The following DYSF variants were observed in gnomAD, a reference collection of about 807,000 sequenced individuals.
DYSF encodes the protein dysferlin.
Under a neutral mutation model 274.9 loss-of-function variants are expected in DYSF, and 212 were observed. The observed-to-expected ratio is 0.77, with a 90% CI of 0.69 to 0.86. The LOEUF is 0.86. Ranked by LOEUF, DYSF falls within the 40% of genes least tolerant of loss-of-function variation. The pLI is 0.00. For missense variants in DYSF, 2,666 were observed against 2,783.2 expected (o/e 0.96, Z 0.95); for synonymous variants, 1,091 against 1,078.7 (o/e 1.01, Z -0.22).
rs775855517 is a variant in DYSF at position 71,611,524 on chromosome 2, C to A, written c.4119C>A (p.Pro1373=). ...ACCAGCTGGCCAACATCTCCTCCCC[C>A]AGCCTCGTGGTAGAGTGTGGGGGCC... ...KSYQLANISS[P]SLVVECGGQT... Residue 1373 remains proline, a synonymous_variant, in exon 38 of 56, where the codon CCC becomes CCA. Transcript: ENST00000410020. 6.2e-7 allele frequency: 1 copy of A among 1,614,212 alleles called. No individual in the cohort carries two copies. Among genetic ancestry groups the A allele is most frequent in the South Asian group, 1.1e-5 (1 of 91,090 alleles).
chr2:71,600,639 T>C lies in DYSF; in HGVS notation c.3757-63T>C. Reference sequence around the variant, plus strand: ...AGAAGGCACATGTAGACCTGATCTCTCTGAGGCTCCCTAGAGCCCTGGGTA... The same window carrying C: ...AGAAGGCACATGTAGACCTGATCTCCCTGAGGCTCCCTAGAGCCCTGGGTA... On this transcript the variant is annotated intron_variant, in intron 33 of 55. Coordinates refer to ENST00000410020, the MANE Select transcript of DYSF (RefSeq NM_001130987.2). 1.9e-6 allele frequency: 3 copies of C among 1,611,932 alleles called. No individual in the cohort carries two copies. The South Asian group carries it at 3.3e-5, about 18-fold the overall frequency.
chr2:71,460,236 T>G (rs2152630692), intron 1 of DYSF, among the ~76,000 whole-genome samples: 1 of 152,292 alleles, frequency 6.6e-6, no homozygotes, highest in South Asian at 2.1e-4. Flanking sequence ...GACAACGTGG[T>G]CCATGATGGC....
chr2:71,547,314 C>A (rs867288508), intron 17 of DYSF, among the ~76,000 whole-genome samples: 1 of 152,220 alleles, frequency 6.6e-6, no homozygotes, highest in Non-Finnish European at 1.5e-5. Context: ...CCTCCTCCTG[C>A]ACCTGGTTAG....
rs867390148 is a variant in DYSF, at chr2:71,555,996, T to C, written c.2141T>C (p.Leu714Pro). ...EAGLEQVHLA[L>P]KAQCSTEDVD... ...GGCCTGGAGCAGGTCCACCTGGCCC[T>C]GAAGGCGCAGTGCTCCACGGAGGAC... The change falls in exon 22 of 56, where the codon CTG becomes CCG. Residue 714 changes from leucine (L) to proline (P), a missense_variant. Transcript: ENST00000410020. The C allele has an allele frequency of 6.4e-7, 1 of 1,571,828 alleles. No homozygotes were observed. Among genetic ancestry groups the C allele is most frequent in the Non-Finnish European group, 8.6e-7 (1 of 1,158,520 alleles).
At chr2:71,542,758 C>G (rs1024581714) in intron 17 of DYSF, among the ~76,000 whole-genome samples, 1 of 152,196 alleles carries the variant, frequency 6.6e-6, no homozygotes, top group Non-Finnish European at 1.5e-5. Context: ...AATGGAGTCT[C>G]CTATGCCCAC....
intron 3 of DYSF, among the ~76,000 whole-genome samples, chr2:71,486,174 C>T (rs1023110030): frequency 1.3e-5 from 2 of 151,946 alleles, no homozygotes; most frequent in East Asian, 1.9e-4. Context: ...GAATCCTGGG[C>T]GTGTCTTCTG....
At chr2:71,508,276 T>G (rs530637498) in intron 4 of DYSF, among the ~76,000 whole-genome samples, 17 of 152,298 alleles carry the variant, frequency 1.1e-4, no homozygotes, top group African/African-American at 4.1e-4. Context: ...TGTTCTCCAG[T>G]TAAGGACTTT....
intron 46 of DYSF, 48 bp downstream of exon 46, chr2:71,664,486 C>G (rs1483232968): frequency 6.2e-7 from 1 of 1,606,376 alleles, no homozygotes; most frequent in Non-Finnish European, 8.5e-7. Context: ...ACACACCACC[C>G]CTGTCTTCTC....
intron 30 of DYSF, among the ~76,000 whole-genome samples, chr2:71,588,049 G>A (rs2093130933): frequency 6.6e-6 from 1 of 152,210 alleles, no homozygotes; most frequent in African/African-American, 2.4e-5. Context: ...TCTGAAGACG[G>A]GGAGGCCTGG....
In DYSF at chr2:71,481,905, C is replaced by A. The variant is rs1478264060; in HGVS notation, c.174C>A (p.Ile58=). 6.2e-7 allele frequency: 1 copy of A among 1,614,072 alleles called. No individual in the cohort carries two copies. The change falls in exon 3 of 56, where the codon ATC becomes ATA. Residue 58 remains isoleucine, a synonymous_variant. Transcript: ENST00000410020. The part of the protein sequence containing the change: ...NEGFEWDLKG[I]PLDQGSELHV... ...GATTTGAATGGGACCTCAAGGGCAT[C>A]CCCCTGGACCAGGGCTCTGAGCTTC... is the stretch of plus-strand genomic sequence containing the variant.
intron 29 of DYSF, 197 bp downstream of exon 29, chr2:71,570,938 C>G: frequency 1.4e-6 from 1 of 711,400 alleles, no homozygotes. Context: ...AGATCACACC[C>G]AGCATACCCA....
At chr2:71,457,869 G>C (rs375962206) in intron 1 of DYSF, among the ~76,000 whole-genome samples, 1 of 152,184 alleles carries the variant, frequency 6.6e-6, no homozygotes, top group South Asian at 2.1e-4. Context: ...CGTATGGCAG[G>C]TGCTCCGGGA....
At chr2:71,502,733 A>G (rs968913533) in intron 3 of DYSF, among the ~76,000 whole-genome samples, 4 of 152,208 alleles carry the variant, frequency 2.6e-5, no homozygotes, top group African/African-American at 9.6e-5. Flanking sequence ...CCCTGAAGAC[A>G]GGAAGGTTTC....
chr2:71,512,529 C>T (rs1318032837), intron 5 of DYSF, among the ~76,000 whole-genome samples: 1 of 152,208 alleles, frequency 6.6e-6, no homozygotes, highest in Non-Finnish European at 1.5e-5. Flanking sequence ...TCTCAGCTCT[C>T]TTCACTTGGT....
At chr2:71,645,894 A>G (rs1303460384) in intron 42 of DYSF, among the ~76,000 whole-genome samples, 2 of 152,144 alleles carry the variant, frequency 1.3e-5, no homozygotes, top group African/African-American at 4.8e-5. Context: ...TTAGACACAT[A>G]GGAAAGGCCC....
At chr2:71,512,355 A>G (rs2086188218) in intron 5 of DYSF, among the ~76,000 whole-genome samples, 1 of 152,188 alleles carries the variant, frequency 6.6e-6, no homozygotes. Context: ...GTGTGACAAA[A>G]GAACTAGTTT....
intron 44 of DYSF, among the ~76,000 whole-genome samples, chr2:71,659,545 C>T (rs1048014241): frequency 3.3e-5 from 5 of 152,214 alleles, no homozygotes; most frequent in South Asian, 2.1e-4. Context: ...TGGTAACACT[C>T]ACCCGGTCTT....
At chr2:71,551,259 C>A in intron 18 of DYSF, 103 bp downstream of exon 18, 2 of 1,218,290 alleles carry the variant, frequency 1.6e-6, no homozygotes, top group Non-Finnish European at 2.4e-6. Flanking sequence ...TGGGGGCCCA[C>A]GACCTGGCAG....
rs1159294834 is a variant in DYSF, at chr2:71,582,106, CAAAAAAAA to C, written c.3403-7467_3403-7460del. On this transcript the variant is annotated intron_variant, in intron 30 of 55. Transcript: ENST00000410020. Reference sequence around the variant, plus strand: ...TGGGAGACAGAAGGAGACTCCGTCTCAAAAAAAAAAAAAAAAAAAAAAAAAAAGGCTTT... The same window carrying C: ...TGGGAGACAGAAGGAGACTCCGTCTCAAAAAAAAAAAAAAAAAAAGGCTTT... Among the ~76,000 whole-genome samples the C allele has an allele frequency of 2.6e-4, 9 of 35,120 alleles. 1 individual carries two copies. In the East Asian group the frequency reaches 5.0e-3, roughly 20 times the overall value. The allele number at this position is 35,120 out of a possible 152,430, so 23.0% of individuals were successfully genotyped here. A position where few individuals can be genotyped will look rare whatever the true frequency, so the allele number is the denominator to read the frequency against.
Sources: allele counts gnomAD v4.1 joint callset (sites outside exome capture counted in the v4.1 genomes callset), GRCh38; gene constraint gnomAD v4.1.1; transcripts MANE v1.5; gene names NCBI Gene and HGNC (gene_info 2026-07-23, HGNC 2026-07-21).